BCKDHB: variants seen among roughly 807,000 people sequenced by gnomAD.
BCKDHB encodes 2-oxoisovalerate dehydrogenase subunit beta, mitochondrial.
Under a neutral mutation model 48.5 loss-of-function variants are expected in BCKDHB, and 41 were observed. That is an observed-to-expected ratio of 0.85 (90% CI 0.66 to 1.10). BCKDHB has a LOEUF of 1.10. Ranked by LOEUF, BCKDHB falls within the 50% of genes least tolerant of loss-of-function variation. The probability of loss-of-function intolerance (pLI) is 0.00; values close to 1 mark genes in which losing one functional copy is unlikely to be tolerated. For synonymous variants in BCKDHB, 201 were observed against 174.8 expected, an observed-to-expected ratio of 1.15 and a Z score of -1.18; for missense variants, 496 against 494.2, an observed-to-expected ratio of 1.00 and a Z score of -0.03.
intron 9 of BCKDHB, among the ~76,000 whole-genome samples, chr6:80,285,621 G>T (rs1465427441): frequency 2.0e-5 from 3 of 151,976 alleles, no homozygotes; most frequent in African/African-American, 4.8e-5. Context: ...AACTTTCCGG[G>T]CAGTGTCCTC....
intron 9 of BCKDHB, among the ~76,000 whole-genome samples, chr6:80,322,238 C>CTTTTTTTTTTTTTT (rs776940885): frequency 2.7e-4 from 32 of 116,648 alleles, no homozygotes; most frequent in South Asian, 8.1e-4. Flanking sequence ...TCTTTCTTTT[C>CTTTTTTTTTTTTTT]TTTTTTTTTT....
intron 9 of BCKDHB, among the ~76,000 whole-genome samples, chr6:80,340,252 T>C (rs3792990): frequency 1.3e-4 from 20 of 152,024 alleles, no homozygotes; most frequent in Admixed American, 1.2e-3. Context: ...ACAGAATATA[T>C]GTAGGCGGTA....
chr6:80,129,217 C>A lies in BCKDHB; in HGVS notation c.331C>A (p.Arg111=), dbSNP rs371117671. 6 of 1,609,942 alleles carry A rather than the reference C, an allele frequency of 3.7e-6. No individual in the cohort carries two copies. In the Admixed American group the frequency reaches 5.0e-5, roughly 13 times the overall value. ...GGVFRCTVGL[R]DKYGKDRVFN... Reference sequence around the variant, plus strand: ...AGTCTTTAGATGCACTGTTGGCTTGCGAGACAAATATGGTAAGTAAATACC... The same window carrying A: ...AGTCTTTAGATGCACTGTTGGCTTGAGAGACAAATATGGTAAGTAAATACC... The change falls in exon 3 of 10, where the codon CGA becomes AGA. Residue 111 remains arginine, a synonymous_variant. Transcript: ENST00000320393.
the BCKDHB span, among the ~76,000 whole-genome samples, chr6:80,459,009 G>A: frequency 2.6e-5 from 4 of 152,104 alleles, no homozygotes; most frequent in African/African-American, 9.7e-5. Context: ...GGAGAAATTG[G>A]AACCGTTGTG....
the BCKDHB span, among the ~76,000 whole-genome samples, chr6:80,412,631 A>C: frequency 1.3e-5 from 2 of 152,140 alleles, no homozygotes; most frequent in South Asian, 2.1e-4. Context: ...TATACCTTCA[A>C]ATATTTTTAT....
the BCKDHB span, among the ~76,000 whole-genome samples, chr6:80,424,166 A>G: frequency 6.6e-6 from 1 of 152,200 alleles, no homozygotes; most frequent in African/African-American, 2.4e-5. Context: ...TTTCAGTGTT[A>G]TCAAGAATTT....
chr6:80,308,786 G>A (rs1042939489), intron 9 of BCKDHB, among the ~76,000 whole-genome samples: 6 of 151,442 alleles, frequency 4.0e-5, no homozygotes, highest in Admixed American at 2.0e-4. Flanking sequence ...TAGTAGAGAC[G>A]GAGTTTCACC....
rs9343976 is a variant in BCKDHB at position 80,250,646 on chromosome 6, A to G, written c.952-22489A>G. On this transcript the variant is annotated intron_variant, in intron 8 of 9. Transcript: ENST00000320393. Reference sequence around the variant, plus strand: ...AGGACATTTTGAAACCAGAAACTGCATTTTATCACTGAATGCAGAATTGGG... The same window carrying G: ...AGGACATTTTGAAACCAGAAACTGCGTTTTATCACTGAATGCAGAATTGGG... Among the ~76,000 whole-genome samples, 159 of 152,296 alleles carry G rather than the reference A, an allele frequency of 1.0e-3. 1 individual carries two copies. Among genetic ancestry groups the G allele is most frequent in the African/African-American group, 3.5e-3 (147 of 41,558 alleles).
At chr6:80,294,013 G>T (rs965916173) in intron 9 of BCKDHB, among the ~76,000 whole-genome samples, 2 of 152,190 alleles carry the variant, frequency 1.3e-5, no homozygotes, top group Non-Finnish European at 2.9e-5. Context: ...TCTCTAGGAA[G>T]TTTCAAACTT....
intron 3 of BCKDHB, among the ~76,000 whole-genome samples, chr6:80,148,971 G>A (rs1217020367): frequency 1.3e-5 from 2 of 152,098 alleles, no homozygotes; most frequent in Admixed American, 6.5e-5. Flanking sequence ...TTGACAAATG[G>A]GATCTAATTA....
chr6:80,420,554 G>A, the BCKDHB span, among the ~76,000 whole-genome samples: 1 of 152,194 alleles, frequency 6.6e-6, no homozygotes, highest in African/African-American at 2.4e-5. Context: ...TGTACATGCT[G>A]TTGAGATCCA....
intron 8 of BCKDHB, among the ~76,000 whole-genome samples, chr6:80,230,743 G>C (rs988506168): frequency 6.6e-6 from 1 of 152,128 alleles, no homozygotes; most frequent in African/African-American, 2.4e-5. Flanking sequence ...CCTTCTTGCT[G>C]TGCCATGATG....
chr6:80,326,386 C>T (rs552053420), intron 9 of BCKDHB, among the ~76,000 whole-genome samples: 5 of 152,188 alleles, frequency 3.3e-5, no homozygotes, highest in Admixed American at 3.3e-4. Context: ...TATTGTTGAC[C>T]TATGAAATTC....
intron 8 of BCKDHB, among the ~76,000 whole-genome samples, chr6:80,260,231 G>T (rs1292660621): frequency 6.6e-6 from 1 of 151,892 alleles, no homozygotes; most frequent in African/African-American, 2.4e-5. Flanking sequence ...GTGTGTGTGG[G>T]GTAATAAAAT....
At chr6:80,127,376 C>G (rs1770399036) in intron 1 of BCKDHB, 171 bp from the exon 2 acceptor site, 1 of 622,030 alleles carries the variant, frequency 1.6e-6, no homozygotes, top group Non-Finnish European at 2.8e-6. Flanking sequence ...CAAGCTTCTC[C>G]AGGTCTGTAT....
At chr6:80,424,717 T>C in the BCKDHB span, among the ~76,000 whole-genome samples, 1 of 152,212 alleles carries the variant, frequency 6.6e-6, no homozygotes, top group South Asian at 2.1e-4. Flanking sequence ...TCAAAAGATA[T>C]TGCAACATGG....
At chr6:80,352,482 C>G in the BCKDHB span, among the ~76,000 whole-genome samples, 2 of 152,208 alleles carry the variant, frequency 1.3e-5, no homozygotes, top group Non-Finnish European at 2.9e-5. Context: ...GTGTTCCATT[C>G]TTTCTCTCAT....
downstream of BCKDHB, among the ~76,000 whole-genome samples, chr6:80,348,106 A>G (rs1770289218): frequency 6.6e-6 from 1 of 151,530 alleles, no homozygotes; most frequent in Non-Finnish European, 1.5e-5. Context: ...ACCTGTGTAC[A>G]TTTTAAAAAA....
At chr6:80,265,624 C>T (rs181666506) in intron 8 of BCKDHB, among the ~76,000 whole-genome samples, 6 of 151,992 alleles carry the variant, frequency 3.9e-5, no homozygotes, top group East Asian at 3.9e-4. Context: ...GACGGATGGT[C>T]GTGATGGTTG....
Sources: gnomAD v4.1 joint callset for allele counts (sites outside exome capture counted in the v4.1 genomes callset) on GRCh38, gnomAD v4.1.1 for gene constraint, MANE v1.5 for transcripts, NCBI Gene and HGNC (gene_info 2026-07-23, HGNC 2026-07-21) for gene names.